The following CCNT2 variants were observed in gnomAD, a reference collection of about 807,000 sequenced individuals.
CCNT2 encodes the protein cyclin-T2.
In CCNT2, 18 loss-of-function variants were observed where a neutral mutation model predicts 70.0. That is an observed-to-expected ratio of 0.26 (90% confidence interval 0.18 to 0.38). The LOEUF is 0.38. Ranked by LOEUF, CCNT2 falls within the 10% of genes least tolerant of loss-of-function variation. The pLI, the probability that CCNT2 is intolerant of heterozygous loss-of-function variation, is 1.00. For missense variants in CCNT2, 734 were observed against 890.2 expected, an observed-to-expected ratio of 0.82 and a Z score of 2.23; for synonymous variants, 334 against 313.3, an observed-to-expected ratio of 1.07 and a Z score of -0.70.
chr2:134,941,521 G>A (rs556030997), intron 4 of CCNT2, among the ~76,000 whole-genome samples: 6 of 152,222 alleles, frequency 3.9e-5, no homozygotes, highest in African/African-American at 9.6e-5. Flanking sequence ...CATGGGGATC[G>A]GCACCCCTAG....
At chr2:134,926,114 C>T (rs1009227198) in intron 2 of CCNT2, among the ~76,000 whole-genome samples, 2 of 152,104 alleles carry the variant, frequency 1.3e-5, no homozygotes, top group Non-Finnish European at 2.9e-5. Flanking sequence ...AGTCCTCCTG[C>T]CTCAGCCTCC....
At chr2:134,933,704 G>A (rs930023294) in intron 2 of CCNT2, among the ~76,000 whole-genome samples, 1 of 152,128 alleles carries the variant, frequency 6.6e-6, no homozygotes, top group African/African-American at 2.4e-5. Flanking sequence ...GAGCAAGAGA[G>A]AAGGGAATTT....
intron 4 of CCNT2, among the ~76,000 whole-genome samples, chr2:134,939,327 T>G (rs1681393438): frequency 6.6e-6 from 1 of 152,178 alleles, no homozygotes; most frequent in Non-Finnish European, 1.5e-5. Flanking sequence ...CACTCTGGAT[T>G]TGCACTGGAG....
chr2:134,950,399 C>T (rs1682392263), intron 7 of CCNT2, among the ~76,000 whole-genome samples: 1 of 151,998 alleles, frequency 6.6e-6, no homozygotes, highest in Non-Finnish European at 1.5e-5. Context: ...AAGGTGTGGC[C>T]GGGTGCAGTC....
chr2:134,954,744 T>C lies in CCNT2; in HGVS notation c.*96T>C, dbSNP rs1682824628. On this transcript the variant is annotated 3_prime_UTR_variant, in exon 9 of 9. Transcript: ENST00000264157. The stretch of plus-strand genomic sequence containing the variant: ...GATCTAGCAGTGGTAACCCCTGCTG[T>C]TGCTGCCACTGCTTCAATATTTGTA... 1.4e-6 allele frequency: 1 copy of C among 700,308 alleles called. No homozygotes were observed. The highest frequency in any genetic ancestry group is 2.5e-6 in the Non-Finnish European group (1 of 404,984). 43.4% of individuals were successfully genotyped at this position (700,308 alleles called of 1,614,324 possible). A position where few individuals can be genotyped will look rare whatever the true frequency, so the allele number is the denominator to read the frequency against.
intron 4 of CCNT2, among the ~76,000 whole-genome samples, chr2:134,939,989 G>A (rs1254668439): frequency 2.6e-5 from 4 of 152,180 alleles, no homozygotes; most frequent in Non-Finnish European, 5.9e-5. Context: ...GGAGATCCAA[G>A]TTAAAATCTG....
chr2:134,941,246 G>A (rs1053312781), intron 4 of CCNT2, among the ~76,000 whole-genome samples: 2 of 152,170 alleles, frequency 1.3e-5, no homozygotes, highest in African/African-American at 4.8e-5. Flanking sequence ...ACCTGAGACA[G>A]TAAGACCAAC....
At chr2:134,919,750 A>T in intron 1 of CCNT2, 60 bp from the exon 2 acceptor site, 1 of 1,328,612 alleles carries the variant, frequency 7.5e-7, no homozygotes, top group Non-Finnish European at 1.1e-6. Flanking sequence ...TTTTCCATCA[A>T]AATTGTTCTG....
rs769100392 is a variant in CCNT2, at chr2:134,945,765, CTTCT to C, written c.494-333_494-330del. 1.3e-4 allele frequency: 165 copies of C among 1,299,896 alleles called. No homozygotes were observed. In the Middle Eastern group the frequency reaches 1.3e-3, roughly 10 times the overall value. 80.5% of individuals were successfully genotyped at this position (1,299,896 alleles called of 1,614,324 possible). A position where few individuals can be genotyped will look rare whatever the true frequency, so the allele number is the denominator to read the frequency against. Reference sequence around the variant, plus strand: ...GACTTCAAAATCTTTTCTTCTTCTTCTTCTTTTTTTTTTAAATCCAGGAGAATGC... The same window carrying C: ...GACTTCAAAATCTTTTCTTCTTCTTCTTTTTTTTTAAATCCAGGAGAATGC... On this transcript the variant is annotated intron_variant, in intron 5 of 8. Coordinates refer to ENST00000264157, the MANE Select transcript of CCNT2 (RefSeq NM_058241.3).
chr2:134,945,494 TA>T (rs1163835587), intron 5 of CCNT2: 1 of 985,280 alleles, frequency 1.0e-6, no homozygotes, highest in Non-Finnish European at 1.2e-6. Flanking sequence ...TTTCCTAAGT[TA>T]GTCTTTAATT....
Position 134,953,350 on chromosome 2 carries a change from C to G in CCNT2, c.895C>G (p.Pro299Ala). 1 of 1,606,290 alleles carries G rather than the reference C, an allele frequency of 6.2e-7. No homozygotes were observed. The highest frequency in any genetic ancestry group is 8.5e-7 in the Non-Finnish European group (1 of 1,175,666). The change falls in exon 9 of 9, where the codon CCA becomes GCA. Residue 299 changes from proline (P) to alanine (A), a missense_variant. Coordinates refer to ENST00000264157, the MANE Select transcript of CCNT2 (RefSeq NM_058241.3). ...VDSVTGVPTN[P>A]SFQKPSTSAF... is the part of the protein sequence containing the mutation. ...TAGTGTCACTGGTGTGCCTACAAAC[C>G]CAAGTTTTCAGAAACCATCTACATC...
At chr2:134,932,492 G>A (rs901518127) in intron 2 of CCNT2, among the ~76,000 whole-genome samples, 1 of 152,112 alleles carries the variant, frequency 6.6e-6, no homozygotes, top group Admixed American at 6.5e-5. Flanking sequence ...TTTTGGGGCC[G>A]TTATTAACCC....
At chr2:134,944,073 T>G in intron 5 of CCNT2, 1 of 984,394 alleles carries the variant, frequency 1.0e-6, no homozygotes, top group Non-Finnish European at 1.2e-6. Context: ...CTAATTTGTA[T>G]TTTTTTGTAG....
intron 7 of CCNT2, among the ~76,000 whole-genome samples, chr2:134,950,652 CAT>C (rs1480301961): frequency 6.6e-6 from 1 of 152,052 alleles, no homozygotes; most frequent in Non-Finnish European, 1.5e-5. Flanking sequence ...AAAAAAAAGA[CAT>C]GAAGATTTAT....
chr2:134,949,860 ATC>A (rs1682333019), intron 7 of CCNT2, among the ~76,000 whole-genome samples: 1 of 151,534 alleles, frequency 6.6e-6, no homozygotes, highest in African/African-American at 2.4e-5. Flanking sequence ...CGGTGGCGCA[ATC>A]TCGGCTCGCT....
In CCNT2 at chr2:134,953,782, C is replaced by G. The variant is rs769555288; in HGVS notation, c.1327C>G (p.Arg443Gly). Reference protein sequence around the residue: ...KMSLDKYREKRKLETLDLDVR... With the variant: ...KMSLDKYREKGKLETLDLDVR... ...GTCTTTAGATAAATATAGAGAAAAGCGTAAACTAGAAACTCTTGATCTCGA... is the reference window on the plus strand; with the variant it reads ...GTCTTTAGATAAATATAGAGAAAAGGGTAAACTAGAAACTCTTGATCTCGA... Residue 443 changes from arginine (R) to glycine (G), a missense_variant, in exon 9 of 9, where the codon CGT (arginine) becomes GGT (glycine). By Grantham distance (125) the Arg-to-Gly change is moderately radical. Transcript: ENST00000264157. 1 of 1,613,834 alleles carries G rather than the reference C, an allele frequency of 6.2e-7. No homozygotes were observed. Among genetic ancestry groups the G allele is most frequent in the Non-Finnish European group, 8.5e-7 (1 of 1,179,870 alleles).
intron 2 of CCNT2, among the ~76,000 whole-genome samples, chr2:134,934,746 T>C (rs1396711045): frequency 6.6e-6 from 1 of 152,222 alleles, no homozygotes; most frequent in Non-Finnish European, 1.5e-5. Context: ...AAGTATTTCT[T>C]GATCAGTGTC....
rs770678298 is a variant in CCNT2 at position 134,954,740 on chromosome 2, GC to G, written c.*93del. ...TTCTGATCTAGCAGTGGTAACCCCT[GC>G]TGTTGCTGCCACTGCTTCAATATTT... On this transcript the variant is annotated 3_prime_UTR_variant, in exon 9 of 9. Transcript: ENST00000264157. 3 of 735,946 alleles carry G rather than the reference GC, an allele frequency of 4.1e-6. No homozygotes were observed. In the Admixed American group the frequency reaches 7.1e-5, roughly 18 times the overall value. The allele number at this position is 735,946 out of a possible 1,614,324, so 45.6% of individuals were successfully genotyped here.
intron 5 of CCNT2, chr2:134,943,934 AC>A: frequency 3.1e-6 from 3 of 956,342 alleles, no homozygotes; most frequent in Non-Finnish European, 3.7e-6. Flanking sequence ...TTTAGTATTT[AC>A]CTAAGTATTC....
Sources: gnomAD v4.1 joint callset for allele counts (sites outside exome capture counted in the v4.1 genomes callset) on GRCh38, gnomAD v4.1.1 for gene constraint, MANE v1.5 for transcripts, NCBI Gene and HGNC (gene_info 2026-07-23, HGNC 2026-07-21) for gene names.